PNKP: variants seen among roughly 807,000 people sequenced by gnomAD.
PNKP encodes the protein bifunctional polynucleotide phosphatase/kinase.
Under a neutral mutation model 66.2 loss-of-function variants are expected in PNKP, and 82 were observed. That is an observed-to-expected ratio of 1.24 (90% confidence interval 1.04 to 1.49). The LOEUF (loss-of-function observed/expected upper bound fraction) is 1.49. Among genes scored for constraint, PNKP ranks in the 40% most tolerant of loss-of-function variants. PNKP has a pLI of 0.00. For synonymous variants in PNKP, 412 were observed against 298.9 expected (o/e 1.38, Z -3.90); for missense variants, 907 against 706.8 (o/e 1.28, Z -3.21).
In PNKP at chr19:49,867,505, C is replaced by G. The variant is rs3739166; in HGVS notation, c.-50G>C. On this transcript the variant is annotated 5_prime_UTR_variant, in exon 1 of 17. Transcript: ENST00000322344. ...GCTTGGGCTCACGGCCACTTCCGAC[C>G]AGGGAGGTCCTGCCCGAGGTGCCCC... The G allele has an allele frequency of 1.6e-3, 720 of 449,274 alleles. 6 individuals are homozygous for G. Among genetic ancestry groups the G allele is most frequent in the African/African-American group, 0.013 (660 of 50,406 alleles). 27.8% of individuals were successfully genotyped at this position (449,274 alleles called of 1,614,324 possible).
rs977169044 is a variant in PNKP, at chr19:49,867,516, T to C, written c.-61A>G. On this transcript the variant is annotated 5_prime_UTR_variant, in exon 1 of 17. Transcript: ENST00000322344. The stretch of plus-strand genomic sequence containing the variant: ...CGGCCACTTCCGACCAGGGAGGTCC[T>C]GCCCGAGGTGCCCCGCCTGCAACCC... 1.0e-5 allele frequency: 4 copies of C among 393,006 alleles called. No individual in the cohort carries two copies. Among genetic ancestry groups the C allele is most frequent in the African/African-American group, 8.3e-5 (4 of 48,432 alleles). The allele number at this position is 393,006 out of a possible 1,614,324, so 24.3% of individuals were successfully genotyped here.
At position 49,861,621 on chromosome 19, in the gene PNKP, C is replaced by T. The variant is rs1187812495; in HGVS notation, c.1373G>A (p.Arg458His). Reference protein sequence around the residue: ...FLFTATLEQARHNNRFREMTD... With the variant: ...FLFTATLEQAHHNNRFREMTD... ...GAGCGGGCTCACCCGGTTGTTGTGG[C>T]GCGCCTGCTCCAGAGTGGCGGTGAA... Residue 458 changes from arginine (R) to histidine (H), a missense_variant, in exon 15 of 17, where the codon CGC (arginine) becomes CAC (histidine). Transcript: ENST00000322344. The T allele has an allele frequency of 1.5e-5, 24 of 1,555,490 alleles. No homozygotes were observed. Among genetic ancestry groups the T allele is most frequent in the Non-Finnish European group, 2.0e-5 (23 of 1,150,364 alleles).
intron 13 of PNKP, 57 bp from the exon 14 acceptor site, chr19:49,861,938 G>T (rs546676673): frequency 6.3e-7 from 1 of 1,579,190 alleles, no homozygotes; most frequent in South Asian, 1.1e-5. Context: ...AGAAGACCCC[G>T]AGCGGGGACG....
At chr19:49,866,137 C>A in intron 3 of PNKP, 1 of 504,622 alleles carries the variant, frequency 2.0e-6, no homozygotes, top group Non-Finnish European at 3.6e-6. Flanking sequence ...TTCAGCCTCC[C>A]GATTAGGAAC....
At position 49,862,008 on chromosome 19, in the gene PNKP, TATA is replaced by T. The variant is rs775222885; in HGVS notation, c.1188+33_1188+35del. The T allele has an allele frequency of 8.1e-6, 13 of 1,611,954 alleles. No homozygotes were observed. In the Admixed American group the frequency reaches 2.2e-4, roughly 27 times the overall value. On this transcript the variant is annotated intron_variant, in intron 13 of 16. Coordinates refer to ENST00000322344, the MANE Select transcript of PNKP (RefSeq NM_007254.4). Reference sequence around the variant, plus strand: ...AGTTGAGAGGTGGAGATGGGAACTTTATAATAGATTTGGGGCGGCAAAAGCCTG... The same window carrying T: ...AGTTGAGAGGTGGAGATGGGAACTTTATAGATTTGGGGCGGCAAAAGCCTG...
At chr19:49,865,081 GGTCCCA>G in intron 4 of PNKP, 40 bp downstream of exon 4, 1 of 1,555,082 alleles carries the variant, frequency 6.4e-7, no homozygotes, top group Non-Finnish European at 8.9e-7. Flanking sequence ...CGTGGGATTG[GGTCCCA>G]GTCTGTGGCG....
At position 49,862,710 on chromosome 19, in the gene PNKP, C is replaced by T. The variant is rs398124251; in HGVS notation, c.845G>A (p.Gly282Glu). ...CTTACCTCCCACAAAGATGCTGTCCCCGATGGATATGGGCGTGCCGTCGTT... is the reference window on the plus strand; with the variant it reads ...CTTACCTCCCACAAAGATGCTGTCCTCGATGGATATGGGCGTGCCGTCGTT... ...QANDGTPISI[G>E]DSIFVGDAAG... The change falls in exon 9 of 17, where the codon GGG (glycine) becomes GAG (glutamate). Residue 282 changes from glycine to glutamate, a missense_variant. Coordinates refer to ENST00000322344, the MANE Select transcript of PNKP (RefSeq NM_007254.4). The T allele has an allele frequency of 1.2e-6, 2 of 1,614,114 alleles. No individual in the cohort carries two copies. Among genetic ancestry groups the T allele is most frequent in the South Asian group, 2.2e-5 (2 of 91,086 alleles).
chr19:49,865,574 G>C lies in PNKP; in HGVS notation c.199-148C>G, dbSNP rs533779203. The C allele has an allele frequency of 3.7e-5, 22 of 591,064 alleles. No individual in the cohort carries two copies. In the South Asian group the frequency reaches 4.5e-4, roughly 12 times the overall value. The allele number at this position is 591,064 out of a possible 1,614,324, so 36.6% of individuals were successfully genotyped here. On this transcript the variant is annotated intron_variant, in intron 3 of 16. Transcript: ENST00000322344. The stretch of plus-strand genomic sequence containing the variant: ...TCACTTTGGAACGGGCTTTGGAACG[G>C]TTACAGGTTTTCAGCCTTGTCCGAA...
chr19:49,863,835 G>C, intron 7 of PNKP, 75 bp from the exon 8 acceptor site: 1 of 1,434,822 alleles, frequency 7.0e-7, no homozygotes, highest in Non-Finnish European at 9.6e-7. Flanking sequence ...CCCAGAATTT[G>C]TAGCTGATGA....
At chr19:49,866,312 T>C in intron 3 of PNKP, 87 bp downstream of exon 3, 1 of 1,256,844 alleles carries the variant, frequency 8.0e-7, no homozygotes, top group Non-Finnish European at 1.2e-6. Context: ...AATCAGATTT[T>C]CCTAATGTAC....
Position 49,862,033 on chromosome 19 carries a change from C to G in PNKP, c.1188+11G>C. ...TATAATAGATTTGGGGCGGCAAAAG[C>G]CTGGTCATACCCTGTTCACGTGGAC... is the stretch of plus-strand genomic sequence containing the variant. On this transcript the variant is annotated intron_variant, in intron 13 of 16. Coordinates refer to ENST00000322344, the MANE Select transcript of PNKP (RefSeq NM_007254.4). 3 of 1,613,976 alleles carry G rather than the reference C, an allele frequency of 1.9e-6. No homozygotes were observed. Among genetic ancestry groups the G allele is most frequent in the Non-Finnish European group, 2.5e-6 (3 of 1,179,880 alleles).
At chr19:49,865,545 C>G in intron 3 of PNKP, 119 bp from the exon 4 acceptor site, 1 of 673,214 alleles carries the variant, frequency 1.5e-6, no homozygotes. Context: ...TAGGCCCCAC[C>G]TCTTCACTTT....
intron 2 of PNKP, 72 bp downstream of exon 2, chr19:49,866,974 CGCGTAGCA>C: frequency 7.1e-7 from 1 of 1,406,318 alleles, no homozygotes; most frequent in South Asian, 1.2e-5. Context: ...ACTGCAATCC[CGCGTAGCA>C]GCCAAGCGTC....
rs541129252 is a variant in PNKP, at chr19:49,861,753, G to T, written c.1298+19C>A. The T allele has an allele frequency of 1.3e-6, 2 of 1,558,942 alleles. No individual in the cohort carries two copies. The highest frequency in any genetic ancestry group is 1.7e-6 in the Non-Finnish European group (2 of 1,152,448). ...GCCCACCCCGCCGCAGGCCACCTAC[G>T]GCCCCGCGGTCACGCTACCTGGCGC... On this transcript the variant is annotated intron_variant, in intron 14 of 16. Coordinates refer to ENST00000322344, the MANE Select transcript of PNKP (RefSeq NM_007254.4).
Position 49,867,517 on chromosome 19 carries a change from G to A in PNKP, c.-62C>T. ...GGCCACTTCCGACCAGGGAGGTCCT[G>A]CCCGAGGTGCCCCGCCTGCAACCCG... On this transcript the variant is annotated 5_prime_UTR_variant, in exon 1 of 17. Transcript: ENST00000322344. 1.2e-5 allele frequency: 5 copies of A among 403,254 alleles called. No homozygotes were observed. The South Asian group carries it at 1.4e-4, about 12-fold the overall frequency. The allele number at this position is 403,254 out of a possible 1,614,324, so 25.0% of individuals were successfully genotyped here.
Position 49,861,684 on chromosome 19 carries a change from C to T in PNKP, c.1310G>A (p.Cys437Tyr). ...GCAGGGGACGCCCGCGGCTCGGGCA[C>T]ACTGGACGTACCTGTGGGGGAAGGA... ...DAASRARYVQ[C>Y]ARAAGVPCRC... is the part of the protein sequence containing the mutation. The change falls in exon 15 of 17, where the codon TGT becomes TAT. Residue 437 changes from cysteine to tyrosine, a missense_variant. Physicochemically the swap from Cys to Tyr is radical, Grantham distance 194. Coordinates refer to ENST00000322344, the MANE Select transcript of PNKP (RefSeq NM_007254.4). 2 of 1,547,610 alleles carry T rather than the reference C, an allele frequency of 1.3e-6. No individual in the cohort carries two copies. Among genetic ancestry groups the T allele is most frequent in the Non-Finnish European group, 1.7e-6 (2 of 1,146,258 alleles).
In PNKP at chr19:49,867,457, C is replaced by T. The variant is rs2074830523; in HGVS notation, c.-14+12G>A. ...GAGCCTCGCACATGCCTCCGCCCCG[C>T]CCCGTACTCACCCGGGACCGCGGCT... is the stretch of plus-strand genomic sequence containing the variant. On this transcript the variant is annotated intron_variant, in intron 1 of 16. Transcript: ENST00000322344. 1 of 561,280 alleles carries T rather than the reference C, an allele frequency of 1.8e-6. No individual in the cohort carries two copies. The highest frequency in any genetic ancestry group is 3.2e-6 in the Non-Finnish European group (1 of 313,386). 34.8% of individuals were successfully genotyped at this position (561,280 alleles called of 1,614,324 possible).
At chr19:49,865,599 A>ATAT in intron 3 of PNKP, 173 bp from the exon 4 acceptor site, 1 of 508,348 alleles carries the variant, frequency 2.0e-6, no homozygotes, top group East Asian at 3.3e-5. Flanking sequence ...CCTTGTCCGA[A>ATAT]TCTTTTTTTT....
chr19:49,867,215 G>A lies in PNKP; in HGVS notation c.-11C>T, dbSNP rs372465811. The A allele has an allele frequency of 2.3e-5, 37 of 1,607,222 alleles. No individual in the cohort carries two copies. The highest frequency in any genetic ancestry group is 6.7e-5 in the African/African-American group (5 of 74,750). ...CTCCACCTCGCCCATCCTGGGTGCCGGCCTGGGGAGCAGGTAAACGGGCTT... is the reference window on the plus strand; with the variant it reads ...CTCCACCTCGCCCATCCTGGGTGCCAGCCTGGGGAGCAGGTAAACGGGCTT... On this transcript the variant is annotated splice_region_variant and 5_prime_UTR_variant, in exon 2 of 17. Coordinates refer to ENST00000322344, the MANE Select transcript of PNKP (RefSeq NM_007254.4).
Sources: gnomAD v4.1 joint callset for allele counts on GRCh38, gnomAD v4.1.1 for gene constraint, MANE v1.5 for transcripts, NCBI Gene and HGNC (gene_info 2026-07-23, HGNC 2026-07-21) for gene names.